Variants in CENPC observed in about 807,000 individuals in gnomAD.
CENPC encodes the protein centromere protein C.
CENPC carries 63 observed loss-of-function variants against 112.1 expected under a neutral mutation model. That is an observed-to-expected ratio of 0.56 (90% CI 0.46 to 0.69). The LOEUF is 0.69. Among genes scored for constraint, CENPC ranks in the 30% least tolerant of loss-of-function variants. CENPC has a pLI of 0.00. For missense variants in CENPC, 1,000 were observed against 1,103.8 expected, an observed-to-expected ratio of 0.91 and a Z score of 1.33; for synonymous variants, 333 against 367.6, an observed-to-expected ratio of 0.91 and a Z score of 1.08.
At chr4:67,527,301 A>G (rs1726410775) in intron 5 of CENPC, among the ~76,000 whole-genome samples, 1 of 152,144 alleles carries the variant, frequency 6.6e-6, no homozygotes, top group Non-Finnish European at 1.5e-5. Context: ...AAATCATATG[A>G]TCATATGGAT....
At chr4:67,481,702 G>A (rs1184997545) in intron 17 of CENPC, among the ~76,000 whole-genome samples, 1 of 152,158 alleles carries the variant, frequency 6.6e-6, no homozygotes, top group East Asian at 1.9e-4. Flanking sequence ...TAAGGCACAA[G>A]TAGAAAAATA....
At chr4:67,498,051 C>T (rs932005896) in intron 12 of CENPC, among the ~76,000 whole-genome samples, 7 of 151,620 alleles carry the variant, frequency 4.6e-5, no homozygotes, top group African/African-American at 1.2e-4. Context: ...ACCAACATGG[C>T]GAAACCCCAT....
chr4:67,530,111 A>T (rs1251204584), intron 5 of CENPC, among the ~76,000 whole-genome samples: 1 of 152,210 alleles, frequency 6.6e-6, no homozygotes. Context: ...TTTTTAAAAA[A>T]AGGTTTTCAG....
intron 4 of CENPC, among the ~76,000 whole-genome samples, chr4:67,532,487 C>G (rs183901437): frequency 5.3e-5 from 8 of 152,076 alleles, no homozygotes; most frequent in African/African-American, 1.9e-4. Context: ...GCAAAGACTT[C>G]GAACCAACCC....
chr4:67,527,269 A>G (rs901928800), intron 5 of CENPC, among the ~76,000 whole-genome samples: 1 of 152,188 alleles, frequency 6.6e-6, no homozygotes, highest in African/African-American at 2.4e-5. Context: ...ATAAGCCACC[A>G]TATCAACAGT....
rs1179027148 is a variant in CENPC at position 67,471,910 on chromosome 4, A to G, written c.*695T>C. ...AAAAGCATAATGGAAAAACATTTAC[A>G]TGTAATATACTAAATAGATGTCATG... On this transcript the variant is annotated 3_prime_UTR_variant, in exon 19 of 19. Coordinates refer to ENST00000273853, the MANE Select transcript of CENPC (RefSeq NM_001812.4). 2.0e-5 allele frequency: 3 copies of G among 152,332 alleles called. No homozygotes were observed. Among genetic ancestry groups the G allele is most frequent in the African/African-American group, 7.2e-5 (3 of 41,456 alleles). 9.4% of individuals were successfully genotyped at this position (152,332 alleles called of 1,614,324 possible).
At chr4:67,491,838 ACTAT>A (rs1725290710) in intron 16 of CENPC, among the ~76,000 whole-genome samples, 1 of 152,122 alleles carries the variant, frequency 6.6e-6, no homozygotes, top group Non-Finnish European at 1.5e-5. Context: ...GAGTCTGCCA[ACTAT>A]CTATCTACAA....
At chr4:67,497,789 A>G (rs540479188) in intron 12 of CENPC, among the ~76,000 whole-genome samples, 2 of 80,502 alleles carry the variant, frequency 2.5e-5, no homozygotes, top group African/African-American at 9.3e-5. Context: ...TCGCCTCCCA[A>G]AGTGTTGGGT....
At chr4:67,485,312 C>T (rs1577974026) in intron 17 of CENPC, among the ~76,000 whole-genome samples, 2 of 152,274 alleles carry the variant, frequency 1.3e-5, no homozygotes. Context: ...CATATTCAAA[C>T]ATGCCAAATT....
intron 12 of CENPC, among the ~76,000 whole-genome samples, chr4:67,503,494 T>C (rs1306892208): frequency 1.3e-5 from 2 of 152,178 alleles, no homozygotes; most frequent in Admixed American, 6.5e-5. Flanking sequence ...TGTTATCTTT[T>C]TATATTGTCT....
At chr4:67,492,113 A>G in intron 16 of CENPC, 67 bp downstream of exon 16, 1 of 1,094,054 alleles carries the variant, frequency 9.1e-7, no homozygotes, top group Non-Finnish European at 1.3e-6. Context: ...CAGGCCAATC[A>G]TCAAGCAAGC....
intron 4 of CENPC, among the ~76,000 whole-genome samples, chr4:67,534,186 C>T (rs1281595026): frequency 1.3e-5 from 2 of 152,072 alleles, no homozygotes; most frequent in African/African-American, 2.4e-5. Context: ...GAGGCTGAGG[C>T]GGGTGGATCA....
intron 1 of CENPC, among the ~76,000 whole-genome samples, chr4:67,544,715 T>A (rs72915795): frequency 1.3e-5 from 2 of 152,202 alleles, no homozygotes; most frequent in Admixed American, 6.5e-5. Flanking sequence ...CCATTAGTCA[T>A]TCACAGCTTG....
intron 5 of CENPC, among the ~76,000 whole-genome samples, chr4:67,530,388 A>G (rs1279262317): frequency 6.6e-6 from 1 of 152,280 alleles, no homozygotes; most frequent in East Asian, 1.9e-4. Context: ...CCTTTTCTGA[A>G]AGCAGGTACA....
At chr4:67,541,252 T>C (rs924702569) in intron 2 of CENPC, among the ~76,000 whole-genome samples, 9 of 152,160 alleles carry the variant, frequency 5.9e-5, no homozygotes, top group Non-Finnish European at 1.0e-4. Flanking sequence ...AATTAGTATA[T>C]CATAATCTAC....
intron 17 of CENPC, among the ~76,000 whole-genome samples, chr4:67,476,136 A>C (rs976272599): frequency 1.2e-4 from 18 of 152,226 alleles, no homozygotes; most frequent in Admixed American, 7.9e-4. Context: ...CACATACAGG[A>C]AAAAGTGGAG....
intron 5 of CENPC, among the ~76,000 whole-genome samples, chr4:67,523,139 C>T (rs1166093842): frequency 6.6e-6 from 1 of 151,930 alleles, no homozygotes; most frequent in Non-Finnish European, 1.5e-5. Flanking sequence ...TGATGAAGCC[C>T]CGTCTCTACT....
intron 17 of CENPC, among the ~76,000 whole-genome samples, chr4:67,477,955 G>A (rs778836172): frequency 5.9e-5 from 9 of 151,490 alleles, no homozygotes; most frequent in Non-Finnish European, 1.2e-4. Context: ...AAGAACTTCA[G>A]AGCTCAAAAA....
At position 67,545,361 on chromosome 4, in the gene CENPC, G is replaced by C. The variant is rs1370306758; in HGVS notation, c.-6C>G. 1.3e-6 allele frequency: 2 copies of C among 1,523,798 alleles called. No individual in the cohort carries two copies. Among genetic ancestry groups the C allele is most frequent in the Non-Finnish European group, 1.8e-6 (2 of 1,132,178 alleles). 94.4% of individuals were successfully genotyped at this position (1,523,798 alleles called of 1,614,324 possible). A position where few individuals can be genotyped will look rare whatever the true frequency, so the allele number is the denominator to read the frequency against. ...ACCAGACCGGACGCAGCCATGTTCC[G>C]GCCCCGCTGAGCCAGCGCAACTGTC... On this transcript the variant is annotated 5_prime_UTR_variant, in exon 1 of 19. Transcript: ENST00000273853.
Sources: allele counts gnomAD v4.1 joint callset (sites outside exome capture counted in the v4.1 genomes callset), GRCh38; gene constraint gnomAD v4.1.1; transcripts MANE v1.5; gene names NCBI Gene and HGNC (gene_info 2026-07-23, HGNC 2026-07-21).